BLOC1S3: variants seen among roughly 807,000 people sequenced by gnomAD.
The protein encoded by BLOC1S3 is biogenesis of lysosome-related organelles complex 1 subunit 3.
BLOC1S3 carries 7 observed loss-of-function variants against 9.1 expected under a neutral mutation model. The ratio of observed to expected loss-of-function variants is 0.77; its 90% CI spans 0.44 to 1.45. The LOEUF (loss-of-function observed/expected upper bound fraction) is 1.45, where lower values mean the gene tolerates loss of function less well. BLOC1S3 is among the 40% of genes most tolerant of loss of function. BLOC1S3 has a pLI of 0.01. For synonymous variants in BLOC1S3, 145 were observed against 158.4 expected, an observed-to-expected ratio of 0.92 and a Z score of 0.64; for missense variants, 307 against 315.2, an observed-to-expected ratio of 0.97 and a Z score of 0.20.
downstream of BLOC1S3, among the ~76,000 whole-genome samples, chr19:45,184,998 G>C (rs559106681): frequency 2.6e-5 from 4 of 151,852 alleles, no homozygotes; most frequent in Non-Finnish European, 5.9e-5. Context: ...GATGGGAGGG[G>C]TCATGGCATG....
intron 3 of BLOC1S3, among the ~76,000 whole-genome samples, chr19:45,205,849 T>C (rs1238180465): frequency 6.6e-6 from 1 of 152,180 alleles, no homozygotes; most frequent in Non-Finnish European, 1.5e-5. Context: ...AATAAACACT[T>C]CACTAACGAA....
intron 3 of BLOC1S3, chr19:45,215,928 A>C: frequency 8.6e-7 from 1 of 1,161,354 alleles, no homozygotes; most frequent in South Asian, 1.6e-5. Flanking sequence ...CTTATTAATA[A>C]TGCCCTGGTT....
rs909689508 is a variant in BLOC1S3, at chr19:45,199,730, T to TTCTTC, written n.181-2663_181-2659dup. 5.9e-5 allele frequency among the ~76,000 whole-genome samples: 9 copies of TTCTTC among 151,898 alleles called. No individual in the cohort carries two copies. The South Asian group carries it at 1.9e-3, about 32-fold the overall frequency. On this transcript the variant is annotated intron_variant and non_coding_transcript_variant, in intron 2 of 3. Coordinates refer to the BLOC1S3 transcript ENST00000591569. ...CTTCTCTTCTGTTCTCTTCTCTTCT[T>TTCTTC]TCTTCTCTTCTCTTCTCCTCCTCTC...
rs961274233 is a variant in BLOC1S3, at chr19:45,180,275, A to G, written c.*370A>G. On this transcript the variant is annotated 3_prime_UTR_variant, in exon 2 of 2. Coordinates refer to ENST00000433642, the MANE Select transcript of BLOC1S3 (RefSeq NM_212550.5). ...TTTTTTTTTTGGAGACAGGGTGTTTATCTGTCACCCAGGCTAGAGTGCAGT... is the reference window on the plus strand; with the variant it reads ...TTTTTTTTTTGGAGACAGGGTGTTTGTCTGTCACCCAGGCTAGAGTGCAGT... The G allele has an allele frequency of 4.5e-5, 5 of 112,062 alleles. No homozygotes were observed. Among genetic ancestry groups the G allele is most frequent in the Non-Finnish European group, 7.9e-5 (5 of 63,316 alleles). 6.9% of individuals were successfully genotyped at this position (112,062 alleles called of 1,614,324 possible). A position where few individuals can be genotyped will look rare whatever the true frequency, so the allele number is the denominator to read the frequency against.
chr19:45,188,632 G>T (rs964852066), intron 2 of BLOC1S3, among the ~76,000 whole-genome samples: 1 of 150,692 alleles, frequency 6.6e-6, no homozygotes, highest in African/African-American at 2.4e-5. Flanking sequence ...GAGTGCAATG[G>T]TGCATTCTTG....
chr19:45,211,690 C>T (rs948185946), intron 3 of BLOC1S3, among the ~76,000 whole-genome samples: 1 of 151,636 alleles, frequency 6.6e-6, no homozygotes, highest in Admixed American at 6.6e-5. Context: ...CAGCCTTGGG[C>T]TCCGAGAGTC....
intron 2 of BLOC1S3, among the ~76,000 whole-genome samples, chr19:45,189,303 T>A (rs1441592736): frequency 6.6e-6 from 1 of 152,130 alleles, no homozygotes; most frequent in Admixed American, 6.6e-5. Context: ...TACAAGTATG[T>A]GCCACTGCAC....
chr19:45,189,044 A>G (rs1330516292), intron 2 of BLOC1S3, among the ~76,000 whole-genome samples: 1 of 152,086 alleles, frequency 6.6e-6, no homozygotes, highest in Non-Finnish European at 1.5e-5. Context: ...TCCTGACCTC[A>G]GGTGATCCTC....
intron 2 of BLOC1S3, among the ~76,000 whole-genome samples, chr19:45,195,883 C>T (rs779854264): frequency 5.3e-4 from 81 of 152,178 alleles, no homozygotes; most frequent in Admixed American, 5.1e-3. Flanking sequence ...GCGTGAGCCA[C>T]CGTGCCCAGC....
chr19:45,209,091 C>T (rs1969748702), intron 3 of BLOC1S3, among the ~76,000 whole-genome samples: 1 of 151,902 alleles, frequency 6.6e-6, no homozygotes, highest in Non-Finnish European at 1.5e-5. Flanking sequence ...CTCTGTTGCC[C>T]AGGCTGGAGT....
rs774709994 is a variant in BLOC1S3 at position 45,179,491 on chromosome 19, G to A, written c.195G>A (p.Ser65=). 8 of 1,522,120 alleles carry A rather than the reference G, an allele frequency of 5.3e-6. No homozygotes were observed. Among genetic ancestry groups the A allele is most frequent in the Non-Finnish European group, 6.1e-6 (7 of 1,141,590 alleles). The allele number at this position is 1,522,120 out of a possible 1,614,324, so 94.3% of individuals were successfully genotyped here. ...CTGGGGAAGCCGCGGAGACCGACTCGGAGCCGGAGCCGGAGCCGGAACCGA... is the reference window on the plus strand; with the variant it reads ...CTGGGGAAGCCGCGGAGACCGACTCAGAGCCGGAGCCGGAGCCGGAACCGA... ...RVAGEAAETD[S]EPEPEPEPTA... Residue 65 remains serine, a synonymous_variant, in exon 2 of 2, where the codon TCG becomes TCA. Coordinates refer to ENST00000433642, the MANE Select transcript of BLOC1S3 (RefSeq NM_212550.5). This position sits in a 1 kb window ranked among gnomAD's most constrained non-coding sequence, Gnocchi z 4.6.
chr19:45,193,354 T>C (rs1349778809), intron 2 of BLOC1S3, among the ~76,000 whole-genome samples: 2 of 152,062 alleles, frequency 1.3e-5, no homozygotes, highest in Non-Finnish European at 2.9e-5. Flanking sequence ...CTCCTCATAA[T>C]TGCTATCTCT....
At chr19:45,199,328 T>G (rs1969672086) in intron 2 of BLOC1S3, among the ~76,000 whole-genome samples, 1 of 121,642 alleles carries the variant, frequency 8.2e-6, no homozygotes, top group Non-Finnish European at 1.9e-5. Flanking sequence ...TTTTTTTTTT[T>G]TTTTTTGAGA....
At position 45,206,450 on chromosome 19, in the gene BLOC1S3, G is replaced by GTTTTTTTT. The variant is rs1054281226; in HGVS notation, n.282+3959_282+3966dup. Among the ~76,000 whole-genome samples, 83 of 55,140 alleles carry GTTTTTTTT rather than the reference G, an allele frequency of 1.5e-3. 23 individuals are homozygous for GTTTTTTTT. The highest frequency in any genetic ancestry group is 1.8e-3 in the Non-Finnish European group (58 of 32,046). The allele number at this position is 55,140 out of a possible 152,430, so 36.2% of individuals were successfully genotyped here. On this transcript the variant is annotated intron_variant and non_coding_transcript_variant, in intron 3 of 3. Coordinates refer to the BLOC1S3 transcript ENST00000591569. ...TTCCACCTTCTTTTGGATTAATCAA[G>GTTTTTTTT]TTTTTTTTTTTTTTTTTTTTTTTGA...
intron 3 of BLOC1S3, among the ~76,000 whole-genome samples, chr19:45,209,326 C>G (rs143355908): frequency 4.6e-5 from 7 of 151,674 alleles, no homozygotes; most frequent in Admixed American, 1.3e-4. Flanking sequence ...TGGGATTACA[C>G]GCATAAGCCA....
At chr19:45,193,215 C>G (rs1046818509) in intron 2 of BLOC1S3, among the ~76,000 whole-genome samples, 1 of 148,406 alleles carries the variant, frequency 6.7e-6, no homozygotes, top group Non-Finnish European at 1.5e-5. Context: ...GAAGTTAAAA[C>G]CAGGTACTGT....
intron 3 of BLOC1S3, among the ~76,000 whole-genome samples, chr19:45,211,919 G>A (rs1195845952): frequency 1.3e-5 from 2 of 152,158 alleles, no homozygotes; most frequent in African/African-American, 4.8e-5. Context: ...CAAGGTCTCC[G>A]TGGGGACTAG....
At chr19:45,189,687 C>T (rs555737926) in intron 2 of BLOC1S3, among the ~76,000 whole-genome samples, 5 of 151,300 alleles carry the variant, frequency 3.3e-5, no homozygotes, top group Non-Finnish European at 5.9e-5. Flanking sequence ...TCAGGTGATC[C>T]GCCCGCCCAA....
chr19:45,214,552 C>T (rs1174088073), intron 3 of BLOC1S3, among the ~76,000 whole-genome samples: 1 of 152,072 alleles, frequency 6.6e-6, no homozygotes, highest in Non-Finnish European at 1.5e-5. Flanking sequence ...GCAACCTCCG[C>T]CTCCTGGGCT....
Sources: allele counts gnomAD v4.1 joint callset (sites outside exome capture counted in the v4.1 genomes callset), GRCh38; gene constraint gnomAD v4.1.1; non-coding constraint Gnocchi (gnomAD v3.1); transcripts MANE v1.5; gene names NCBI Gene and HGNC (gene_info 2026-07-23, HGNC 2026-07-21).